Variants in IQSEC1 observed in about 807,000 individuals in gnomAD.
The protein encoded by IQSEC1 is IQ motif and SEC7 domain-containing protein 1.
A neutral mutation model predicts 91.0 loss-of-function variants in IQSEC1; 31 were observed. The observed-to-expected ratio is 0.34, with a 90% CI of 0.26 to 0.46. The LOEUF is 0.46. Ranked by LOEUF, IQSEC1 falls within the 20% of genes least tolerant of loss-of-function variation. The pLI, the probability that IQSEC1 is intolerant of heterozygous loss-of-function variation, is 1.00. For missense variants in IQSEC1, 1,388 were observed against 1,575.6 expected, an observed-to-expected ratio of 0.88 and a Z score of 2.02; for synonymous variants, 699 against 662.6, an observed-to-expected ratio of 1.05 and a Z score of -0.84.
intron 1 of IQSEC1, among the ~76,000 whole-genome samples, chr3:13,051,856 A>G (rs1007108749): frequency 1.3e-5 from 2 of 152,146 alleles, no homozygotes; most frequent in Non-Finnish European, 2.9e-5. Context: ...TTTAAGAAAT[A>G]TGGACGCTTG....
upstream of IQSEC1, among the ~76,000 whole-genome samples, chr3:13,074,443 A>G (rs1359288475): frequency 6.6e-6 from 1 of 152,176 alleles, no homozygotes; most frequent in African/African-American, 2.4e-5. Flanking sequence ...TTCCTGTCTG[A>G]TGTTCATCTG....
chr3:13,200,105 GCA>G (rs1042505190), intron 1 of IQSEC1, among the ~76,000 whole-genome samples: 2 of 140,170 alleles, frequency 1.4e-5, no homozygotes, highest in African/African-American at 5.6e-5. Flanking sequence ...GCGCGCGCAC[GCA>G]CACACACATA....
At chr3:13,105,329 C>A (rs1179955694) in intron 2 of IQSEC1, among the ~76,000 whole-genome samples, 1 of 152,168 alleles carries the variant, frequency 6.6e-6, no homozygotes, top group African/African-American at 2.4e-5. Context: ...AGGGGCAGAG[C>A]GAGGCCTGGA....
chr3:13,136,302 AG>A (rs1706709193), intron 2 of IQSEC1, among the ~76,000 whole-genome samples: 1 of 152,258 alleles, frequency 6.6e-6, no homozygotes, highest in Non-Finnish European at 1.5e-5. Flanking sequence ...TCAGACACTG[AG>A]GACCCACAAG....
intron 1 of IQSEC1, among the ~76,000 whole-genome samples, chr3:12,953,024 C>T (rs1262719425): frequency 6.6e-6 from 1 of 152,228 alleles, no homozygotes; most frequent in Non-Finnish European, 1.5e-5. Context: ...TCACTGTTCT[C>T]TGAGGGGCAG....
chr3:13,122,669 G>A (rs559234725), intron 2 of IQSEC1, among the ~76,000 whole-genome samples: 5 of 152,300 alleles, frequency 3.3e-5, no homozygotes, highest in East Asian at 1.9e-4. Context: ...CACAGGCCCC[G>A]GGAAGGGACA....
At chr3:13,243,524 G>C (rs1035930886) in intron 1 of IQSEC1, among the ~76,000 whole-genome samples, 1 of 152,202 alleles carries the variant, frequency 6.6e-6, no homozygotes, top group African/African-American at 2.4e-5. Flanking sequence ...ACAAGGAGGT[G>C]CTGCTGGCCT....
chr3:13,029,634 G>A (rs954310281), intron 1 of IQSEC1, among the ~76,000 whole-genome samples: 19 of 152,190 alleles, frequency 1.2e-4, no homozygotes, highest in Admixed American at 1.1e-3. Context: ...GGGTCTTGCC[G>A]TCCAGGTCAA....
chr3:13,078,978 C>T (rs919568677), intron 2 of IQSEC1, among the ~76,000 whole-genome samples: 1 of 152,220 alleles, frequency 6.6e-6, no homozygotes, highest in Non-Finnish European at 1.5e-5. Flanking sequence ...GTGCATTCCA[C>T]GTGCTAGTCA....
At chr3:13,254,061 A>G (rs577430687) in intron 1 of IQSEC1, among the ~76,000 whole-genome samples, 3 of 152,232 alleles carry the variant, frequency 2.0e-5, no homozygotes, top group Non-Finnish European at 4.4e-5. Flanking sequence ...GCATCTGAGG[A>G]CAGAGGGCAC....
chr3:12,976,926 T>C (rs1701202513), intron 1 of IQSEC1, among the ~76,000 whole-genome samples: 1 of 133,270 alleles, frequency 7.5e-6, no homozygotes, highest in Non-Finnish European at 1.6e-5. Context: ...CTTTATACCA[T>C]AGAGAGATTC....
chr3:13,017,424 G>A (rs1035928728), intron 1 of IQSEC1, among the ~76,000 whole-genome samples: 4 of 152,212 alleles, frequency 2.6e-5, no homozygotes, highest in Non-Finnish European at 2.9e-5. Flanking sequence ...CTTCCCATGT[G>A]TCAGAGTGGC....
chr3:13,139,663 G>A (rs1486452573), intron 2 of IQSEC1, among the ~76,000 whole-genome samples: 1 of 152,210 alleles, frequency 6.6e-6, no homozygotes, highest in African/African-American at 2.4e-5. Context: ...CTGGGGCTCT[G>A]TTCTCAGAAG....
intron 1 of IQSEC1, among the ~76,000 whole-genome samples, chr3:13,221,873 G>C (rs1305497953): frequency 6.6e-6 from 1 of 152,236 alleles, no homozygotes; most frequent in Admixed American, 6.5e-5. Context: ...TGGAAATTTA[G>C]TGTGCTCCGA....
At chr3:13,160,928 G>C (rs982670435) in intron 2 of IQSEC1, among the ~76,000 whole-genome samples, 1 of 152,212 alleles carries the variant, frequency 6.6e-6, no homozygotes, top group Admixed American at 6.5e-5. Context: ...TGGACACAAA[G>C]CAGAAGGGAC....
intron 1 of IQSEC1, among the ~76,000 whole-genome samples, chr3:13,241,058 C>T (rs565909028): frequency 2.6e-5 from 4 of 152,356 alleles, no homozygotes; most frequent in African/African-American, 9.6e-5. Context: ...ACTTGATGGT[C>T]TGAAGACACC....
intron 1 of IQSEC1, among the ~76,000 whole-genome samples, chr3:13,263,939 C>A (rs948334517): frequency 2.0e-4 from 31 of 152,190 alleles, no homozygotes; most frequent in Non-Finnish European, 2.4e-4. Context: ...CTGGCCCAGC[C>A]GGTCTCTGGA....
intron 1 of IQSEC1, among the ~76,000 whole-genome samples, chr3:12,945,576 A>G (rs6773821): frequency 0.02 from 3,114 of 152,190 alleles, 113 homozygotes; most frequent in African/African-American, 0.071. Context: ...CACCCCAAAA[A>G]AAAGAAATGG....
Position 12,900,581 on chromosome 3 carries a change from G to C in IQSEC1, c.*402C>G. 1 of 1,011,922 alleles carries C rather than the reference G, an allele frequency of 9.9e-7. No individual in the cohort carries two copies. The allele number at this position is 1,011,922 out of a possible 1,614,324, so 62.7% of individuals were successfully genotyped here. A position where few individuals can be genotyped will look rare whatever the true frequency, so the allele number is the denominator to read the frequency against. ...AAAGAGCAATAATGCAGCAAGTTTTGGGGTTTGTTTTGTCTGTTTTTGTAT... is the reference window on the plus strand; with the variant it reads ...AAAGAGCAATAATGCAGCAAGTTTTCGGGTTTGTTTTGTCTGTTTTTGTAT... On this transcript the variant is annotated 3_prime_UTR_variant, in exon 14 of 14. Transcript: ENST00000613206.
Sources: allele counts gnomAD v4.1 joint callset (sites outside exome capture counted in the v4.1 genomes callset), GRCh38; gene constraint gnomAD v4.1.1; transcripts MANE v1.5; gene names NCBI Gene and HGNC (gene_info 2026-07-23, HGNC 2026-07-21).